ADAMTS5: variants seen among roughly 807,000 people sequenced by gnomAD.
The protein encoded by ADAMTS5 is A disintegrin and metalloproteinase with thrombospondin motifs 5.
ADAMTS5 carries 54 observed loss-of-function variants against 81.4 expected under a neutral mutation model. The observed-to-expected ratio is 0.66, with a 90% CI of 0.53 to 0.83. The LOEUF is 0.83. ADAMTS5 is among the 40% of genes least tolerant of loss of function. The pLI is 0.00. For synonymous variants in ADAMTS5, 532 were observed against 508.8 expected (o/e 1.05, Z -0.61); for missense variants, 1,194 against 1,229.9 (o/e 0.97, Z 0.44).
Position 26,965,430 on chromosome 21 carries a change from A to G in ADAMTS5, c.962T>C (p.Leu321Pro). The change falls in exon 1 of 8, where the codon CTA (leucine) becomes CCA (proline). Residue 321 changes from leucine (L) to proline (P), a missense_variant. Leu to Pro is a moderately conservative substitution (Grantham distance 98). Coordinates refer to ENST00000284987, the MANE Select transcript of ADAMTS5 (RefSeq NM_007038.5). Reference sequence around the variant, plus strand: ...TTCCAGGCTCTTGTCCTTGTCGCCTAGCACCACCACCTTCACCACGGCCAG... The same window carrying G: ...TTCCAGGCTCTTGTCCTTGTCGCCTGGCACCACCACCTTCACCACGGCCAG... ...IRLAVVKVVV[L>P]GDKDKSLEVS... The G allele has an allele frequency of 1.2e-6, 2 of 1,614,242 alleles. No individual in the cohort carries two copies. The highest frequency in any genetic ancestry group is 1.7e-6 in the Non-Finnish European group (2 of 1,180,048).
chr21:26,938,374 G>A (rs1987053936), intron 3 of ADAMTS5, among the ~76,000 whole-genome samples: 2 of 152,184 alleles, frequency 1.3e-5, no homozygotes, highest in African/African-American at 4.8e-5. Flanking sequence ...TGTGATTTGA[G>A]GCGAACCAGT....
intron 2 of ADAMTS5, among the ~76,000 whole-genome samples, chr21:26,947,234 G>A (rs1210130477): frequency 3.9e-5 from 6 of 152,056 alleles, no homozygotes; most frequent in African/African-American, 1.4e-4. Context: ...AAACCCTGAG[G>A]CAACTAAGGA....
intron 3 of ADAMTS5, among the ~76,000 whole-genome samples, chr21:26,942,442 C>T (rs549284559): frequency 6.6e-6 from 1 of 152,178 alleles, no homozygotes; most frequent in South Asian, 2.1e-4. Flanking sequence ...AATTTAACTA[C>T]TAGTTTTAGA....
At chr21:26,964,940 A>T (rs898778713) in intron 1 of ADAMTS5, among the ~76,000 whole-genome samples, 7 of 152,178 alleles carry the variant, frequency 4.6e-5, no homozygotes, top group African/African-American at 1.7e-4. Context: ...CCCAAAGGCA[A>T]CTTTGTTTTC....
At chr21:26,940,224 G>A (rs988618536) in intron 3 of ADAMTS5, among the ~76,000 whole-genome samples, 3 of 152,114 alleles carry the variant, frequency 2.0e-5, no homozygotes, top group Non-Finnish European at 4.4e-5. Flanking sequence ...GACATAAATG[G>A]AATTCCCATT....
intron 1 of ADAMTS5, among the ~76,000 whole-genome samples, chr21:26,960,465 A>C (rs1241535742): frequency 6.6e-6 from 1 of 152,240 alleles, no homozygotes; most frequent in Non-Finnish European, 1.5e-5. Context: ...AAATGAGGTC[A>C]TGAGGACAGG....
At chr21:26,938,073 G>A (rs765768884) in intron 3 of ADAMTS5, among the ~76,000 whole-genome samples, 7 of 151,848 alleles carry the variant, frequency 4.6e-5, no homozygotes, top group Non-Finnish European at 1.0e-4. Flanking sequence ...AACCCTGTCT[G>A]TACTAAAAAT....
intron 4 of ADAMTS5, among the ~76,000 whole-genome samples, chr21:26,933,889 C>T (rs1025440870): frequency 6.6e-6 from 1 of 152,104 alleles, no homozygotes; most frequent in Non-Finnish European, 1.5e-5. Flanking sequence ...GGGTTGAGAG[C>T]GAGCACTTAT....
chr21:26,936,141 A>G (rs2074061679), intron 3 of ADAMTS5, among the ~76,000 whole-genome samples: 1 of 152,156 alleles, frequency 6.6e-6, no homozygotes, highest in African/African-American at 2.4e-5. Flanking sequence ...GCCTGATTGT[A>G]TTGCTGAAGG....
chr21:26,944,776 G>A (rs1245792990), intron 2 of ADAMTS5, among the ~76,000 whole-genome samples: 1 of 152,060 alleles, frequency 6.6e-6, no homozygotes, highest in Middle Eastern at 3.2e-3. Flanking sequence ...CAACAGAGAT[G>A]AAATCTTTCA....
intron 1 of ADAMTS5, among the ~76,000 whole-genome samples, chr21:26,956,585 C>T (rs141201653): frequency 5.3e-5 from 8 of 152,268 alleles, no homozygotes; most frequent in Non-Finnish European, 1.0e-4. Flanking sequence ...ACAATCATTT[C>T]ACTATCTCTA....
At chr21:26,943,748 G>A (rs16979486) in intron 2 of ADAMTS5, among the ~76,000 whole-genome samples, 1,796 of 152,224 alleles carry the variant, frequency 0.012, 30 homozygotes, top group African/African-American at 0.04. Flanking sequence ...TGAACATTTC[G>A]ATGGAAACTG....
Position 26,924,472 on chromosome 21 carries a change from T to A in ADAMTS5, c.2374A>T (p.Ile792Phe). 6.2e-7 allele frequency: 1 copy of A among 1,614,190 alleles called. No homozygotes were observed. Among genetic ancestry groups the A allele is most frequent in the Non-Finnish European group, 8.5e-7 (1 of 1,180,028 alleles). ...TCAATGATAGTCTCTGAAGTGGAGA[T>A]CATGTACTTTCCATTGATAAGGTAC... Reference protein sequence around the residue: ...GEYLINGKYMISTSETIIDIN... With the variant: ...GEYLINGKYMFSTSETIIDIN... Residue 792 changes from isoleucine (I) to phenylalanine (F), a missense_variant, in exon 8 of 8, where the codon ATC becomes TTC. Transcript: ENST00000284987.
At position 26,966,192 on chromosome 21, in the gene ADAMTS5, C is replaced by A. The variant is rs373831167; in HGVS notation, c.200G>T (p.Arg67Leu). The change falls in exon 1 of 8, where the codon CGG (arginine) becomes CTG (leucine). Residue 67 changes from arginine to leucine, a missense_variant. Transcript: ENST00000284987. ...CTGCACCAGCCCCTTGCTCCTGCGC[C>A]GCTGCGCCAGGGGGTGCGGGTGGCC... ...PPGHPHPLAQ[R>L]RRSKGLVQNI... is the part of the protein sequence containing the mutation. 11 of 1,599,226 alleles carry A rather than the reference C, an allele frequency of 6.9e-6. No individual in the cohort carries two copies. Among genetic ancestry groups the A allele is most frequent in the Admixed American group, 6.8e-5 (4 of 58,816 alleles).
chr21:26,930,421 T>C (rs917230083), intron 6 of ADAMTS5, among the ~76,000 whole-genome samples: 4 of 152,248 alleles, frequency 2.6e-5, no homozygotes, highest in African/African-American at 7.2e-5. Context: ...CAGAACTGAA[T>C]ATGAGCAGGC....
intron 7 of ADAMTS5, among the ~76,000 whole-genome samples, chr21:26,926,686 A>G (rs894026644): frequency 3.4e-4 from 49 of 145,682 alleles, no homozygotes; most frequent in Non-Finnish European, 5.9e-4. Context: ...AAAAAAAAAA[A>G]GCCAGGCTCT....
In ADAMTS5 at chr21:26,965,708, C is replaced by G. The variant is rs771034526; in HGVS notation, c.684G>C (p.Pro228=). The G allele has an allele frequency of 1.9e-6, 3 of 1,584,208 alleles. No individual in the cohort carries two copies. In the South Asian group the frequency reaches 3.4e-5, roughly 18 times the overall value. ...GCGAGGCCAGTGCTGCGCGTCCGCT[C>G]GGGTTGCTGTGCGCCGGAGCATGCT... The part of the protein sequence containing the change: ...AHEHAPAHSN[P]SGRAALASQL... Residue 228 remains proline (P), a synonymous_variant, in exon 1 of 8, where the codon CCG becomes CCC. Coordinates refer to ENST00000284987, the MANE Select transcript of ADAMTS5 (RefSeq NM_007038.5).
chr21:26,955,952 A>T (rs115473857), intron 1 of ADAMTS5, among the ~76,000 whole-genome samples: 1 of 152,230 alleles, frequency 6.6e-6, no homozygotes, highest in Non-Finnish European at 1.5e-5. Context: ...TGTTTCTATT[A>T]TACAACAATC....
At chr21:26,955,182 A>G (rs1987400979) in intron 1 of ADAMTS5, among the ~76,000 whole-genome samples, 1 of 152,208 alleles carries the variant, frequency 6.6e-6, no homozygotes, top group South Asian at 2.1e-4. Flanking sequence ...TCACCTTCCC[A>G]TATGGTCATG....
Sources: gnomAD v4.1 joint callset for allele counts (sites outside exome capture counted in the v4.1 genomes callset) on GRCh38, gnomAD v4.1.1 for gene constraint, MANE v1.5 for transcripts, NCBI Gene and HGNC (gene_info 2026-07-23, HGNC 2026-07-21) for gene names.